Variants in TXLNG observed in about 807,000 individuals in gnomAD.
TXLNG encodes taxilin gamma.
In TXLNG, 5 loss-of-function variants were observed where a neutral mutation model predicts 38.8. The observed-to-expected ratio is 0.13, with a 90% confidence interval of 0.07 to 0.27. TXLNG has a LOEUF of 0.27. Among genes scored for constraint, TXLNG ranks in the 10% least tolerant of loss-of-function variants. TXLNG has a pLI of 1.00. For synonymous variants in TXLNG, 182 were observed against 158.2 expected (o/e 1.15, Z -1.13); for missense variants, 393 against 398.2 (o/e 0.99, Z 0.11).
Position 16,839,746 on chromosome X carries a change from C to T in TXLNG, c.1153-75C>T. 3.9e-6 allele frequency: 3 copies of T among 763,334 alleles called. No individual in the cohort carries two copies. The South Asian group carries it at 9.1e-5, about 23-fold the overall frequency. The allele number at this position is 763,334 out of a possible 1,213,427, so 62.9% of individuals were successfully genotyped here. A position where few individuals can be genotyped will look rare whatever the true frequency, so the allele number is the denominator to read the frequency against. On this transcript the variant is annotated intron_variant, in intron 8 of 9. Transcript: ENST00000380122. ...ATGGGGGAGGGGAGGGGCACAGAAA[C>T]ATTTTTGTGTACTGGGACAGGGAGT...
intron 1 of TXLNG, among the ~76,000 whole-genome samples, chrX:16,799,587 A>G (rs1317266876): frequency 2.7e-5 from 3 of 110,771 alleles, no homozygotes; most frequent in Non-Finnish European, 5.7e-5. Flanking sequence ...CCTGGCCAAC[A>G]TGGTGAAACC....
intron 1 of TXLNG, among the ~76,000 whole-genome samples, chrX:16,788,946 G>T (rs1039211837): frequency 8.9e-6 from 1 of 111,736 alleles, no homozygotes; most frequent in African/African-American, 3.2e-5. Flanking sequence ...GGGATTACAG[G>T]CATGAGCCAC....
intron 1 of TXLNG, among the ~76,000 whole-genome samples, chrX:16,787,447 T>C (rs770906819): frequency 3.6e-5 from 4 of 111,711 alleles, no homozygotes; most frequent in Non-Finnish European, 7.5e-5. Context: ...TTCCCGACCC[T>C]GGCCTTGGGT....
rs1366920661 is a variant in TXLNG at position 16,843,849 on chromosome X, A to G, written c.*2083A>G. On this transcript the variant is annotated 3_prime_UTR_variant, in exon 10 of 10. Coordinates refer to ENST00000380122, the MANE Select transcript of TXLNG (RefSeq NM_018360.3). ...AGGATATGGATTCTGTCTGGGATGC[A>G]TTTGTTGTCCTTTCAGAACCCTTCC... 3 of 111,726 alleles carry G rather than the reference A, an allele frequency of 2.7e-5. No homozygotes were observed. The highest frequency in any genetic ancestry group is 5.6e-5 in the Non-Finnish European group (3 of 53,198). 9.2% of individuals were successfully genotyped at this position (111,726 alleles called of 1,213,427 possible).
At position 16,841,713 on chromosome X, in the gene TXLNG, G is replaced by A. The variant is rs1463602527; in HGVS notation, c.1534G>A (p.Val512Met). Residue 512 changes from valine (V) to methionine (M), a missense_variant, in exon 10 of 10, where the codon GTG becomes ATG. Transcript: ENST00000380122. Reference protein sequence around the residue: ...EAEPKSQRSAVQKPPSTGSAP... With the variant: ...EAEPKSQRSAMQKPPSTGSAP... ...TGAGCCCAAGAGTCAGAGAAGCGCT[G>A]TGCAAAAGCCCCCGTCCACAGGCTC... 3.3e-6 allele frequency: 4 copies of A among 1,211,939 alleles called. No individual in the cohort carries two copies. The highest frequency in any genetic ancestry group is 4.3e-5 in the Admixed American group (2 of 46,055).
intron 1 of TXLNG, among the ~76,000 whole-genome samples, chrX:16,815,561 A>T (rs1440522193): frequency 9.5e-6 from 1 of 105,380 alleles, no homozygotes; most frequent in Non-Finnish European, 2.0e-5. Flanking sequence ...TCGCTCTGTC[A>T]CCCAGGCTGG....
chrX:16,794,184 G>A (rs1243528032), intron 1 of TXLNG, among the ~76,000 whole-genome samples: 5 of 111,695 alleles, frequency 4.5e-5, no homozygotes, highest in Non-Finnish European at 9.4e-5. Context: ...TCCATATTTC[G>A]TATCTCTCAT....
intron 3 of TXLNG, among the ~76,000 whole-genome samples, chrX:16,826,605 C>G (rs1929175360): frequency 1.8e-5 from 2 of 111,234 alleles, no homozygotes; most frequent in African/African-American, 6.5e-5. Context: ...GGGTGTAAAA[C>G]TTGATGGTAT....
chrX:16,794,077 C>T (rs1168314275), intron 1 of TXLNG, among the ~76,000 whole-genome samples: 1 of 111,898 alleles, frequency 8.9e-6, no homozygotes, highest in Non-Finnish European at 1.9e-5. Context: ...TCCCAGTTTA[C>T]AGATAAGGAA....
chrX:16,841,693 C>T lies in TXLNG; in HGVS notation c.1514C>T (p.Pro505Leu), dbSNP rs371153603. The change falls in exon 10 of 10, where the codon CCC becomes CTC. Residue 505 changes from proline (P) to leucine (L), a missense_variant. Pro to Leu is a moderately conservative substitution (Grantham distance 98, BLOSUM62 -3). Coordinates refer to ENST00000380122, the MANE Select transcript of TXLNG (RefSeq NM_018360.3). ...CTGGGAGCGCACCTGGAGGCTGAGC[C>T]CAAGAGTCAGAGAAGCGCTGTGCAA... is the stretch of plus-strand genomic sequence containing the variant. ...RALGAHLEAE[P>L]KSQRSAVQKP... is the part of the protein sequence containing the mutation. 1 of 1,211,870 alleles carries T rather than the reference C, an allele frequency of 8.3e-7. No homozygotes were observed.
intron 1 of TXLNG, among the ~76,000 whole-genome samples, chrX:16,804,521 T>C (rs1019404473): frequency 4.0e-4 from 41 of 103,015 alleles, no homozygotes; most frequent in African/African-American, 1.2e-3. Flanking sequence ...CAAAAGTATG[T>C]TGAGTGACCT....
At position 16,841,650 on chromosome X, in the gene TXLNG, A is replaced by G. The variant is rs760541149; in HGVS notation, c.1471A>G (p.Thr491Ala). The change falls in exon 10 of 10, where the codon ACT becomes GCT. Residue 491 changes from threonine (T) to alanine (A), a missense_variant. Physicochemically the swap from Thr to Ala is moderately conservative, Grantham distance 58. Coordinates refer to ENST00000380122, the MANE Select transcript of TXLNG (RefSeq NM_018360.3). ...CCTGGATTCTCACAAGGAGCTGAAC[A>G]CTTCCTCGAAAAGAGCCCTGGGAGC... is the stretch of plus-strand genomic sequence containing the variant. ...TALDSHKELN[T>A]SSKRALGAHL... 3 of 1,211,557 alleles carry G rather than the reference A, an allele frequency of 2.5e-6. No homozygotes were observed. The East Asian group carries it at 8.9e-5, about 36-fold the overall frequency.
At position 16,818,697 on chromosome X, in the gene TXLNG, A is replaced by C. The variant is rs947643573; in HGVS notation, c.226A>C (p.Asn76His). The C allele has an allele frequency of 4.1e-6, 5 of 1,212,089 alleles. No homozygotes were observed. The African/African-American group carries it at 5.2e-5, about 13-fold the overall frequency. The change falls in exon 2 of 10, where the codon AAC becomes CAC. Residue 76 changes from asparagine (N) to histidine (H), a missense_variant. By Grantham distance (68) the Asn-to-His change is moderately conservative. Transcript: ENST00000380122. Reference protein sequence around the residue: ...HQGSNCGGTSNKHSLEEDEGS... With the variant: ...HQGSNCGGTSHKHSLEEDEGS... ...AGGCTCAAATTGTGGTGGCACAAGT[A>C]ACAAGCATTCATTGGAAGAGGATGA...
At chrX:16,789,052 A>T (rs1325485516) in intron 1 of TXLNG, among the ~76,000 whole-genome samples, 1 of 112,380 alleles carries the variant, frequency 8.9e-6, no homozygotes, top group Non-Finnish European at 1.9e-5. Context: ...ACTTGAAAAA[A>T]TATTTCTTAA....
At chrX:16,812,771 G>T (rs1439960690) in intron 1 of TXLNG, among the ~76,000 whole-genome samples, 1 of 90,630 alleles carries the variant, frequency 1.1e-5, no homozygotes, top group Non-Finnish European at 2.1e-5. Flanking sequence ...GTGTGATCTC[G>T]GCTCACCACA....
chrX:16,842,680 C>T lies in TXLNG; in HGVS notation c.*914C>T, dbSNP rs1316683644. ...TAGGCAGAAGTTTCTCCAATACCTT[C>T]TGGCTACTTGAAAGTTACTACAAAA... On this transcript the variant is annotated 3_prime_UTR_variant, in exon 10 of 10. Transcript: ENST00000380122. 8.9e-6 allele frequency: 1 copy of T among 112,593 alleles called. No individual in the cohort carries two copies. Among genetic ancestry groups the T allele is most frequent in the Non-Finnish European group, 1.9e-5 (1 of 53,343 alleles). 9.3% of individuals were successfully genotyped at this position (112,593 alleles called of 1,213,427 possible).
intron 1 of TXLNG, among the ~76,000 whole-genome samples, chrX:16,802,254 C>CTTT (rs549410933): frequency 8.6e-4 from 74 of 86,094 alleles, no homozygotes; most frequent in Middle Eastern, 6.8e-3. Flanking sequence ...CGCACCTGGC[C>CTTT]TTTTTTTTTT....
chrX:16,837,089 A>G (rs1321019182), intron 7 of TXLNG, among the ~76,000 whole-genome samples: 2 of 112,027 alleles, frequency 1.8e-5, no homozygotes, highest in African/African-American at 3.2e-5. Flanking sequence ...GGGTAGGACT[A>G]TGTTAAGAGT....
At chrX:16,803,254 G>C (rs1330056272) in intron 1 of TXLNG, 2 of 112,184 alleles carry the variant, frequency 1.8e-5, no homozygotes, top group African/African-American at 6.5e-5. Flanking sequence ...AACCATTAGA[G>C]ATCCTGGGGA....
Sources: gnomAD v4.1 joint callset for allele counts (sites outside exome capture counted in the v4.1 genomes callset) on GRCh38, gnomAD v4.1.1 for gene constraint, MANE v1.5 for transcripts, NCBI Gene and HGNC (gene_info 2026-07-23, HGNC 2026-07-21) for gene names.